CDH9: variants seen among roughly 807,000 people sequenced by gnomAD.
CDH9 encodes cadherin-9.
CDH9 carries 28 observed loss-of-function variants against 70.9 expected under a neutral mutation model. The ratio of observed to expected loss-of-function variants is 0.40; its 90% CI spans 0.29 to 0.54. The LOEUF (loss-of-function observed/expected upper bound fraction) is 0.54, where lower values mean the gene tolerates loss of function less well. Ranked by LOEUF, CDH9 falls within the 20% of genes least tolerant of loss-of-function variation. CDH9 has a pLI of 0.59. For missense variants in CDH9, 874 were observed against 984.4 expected (o/e 0.89, Z 1.50); for synonymous variants, 409 against 343.1 (o/e 1.19, Z -2.12).
At chr5:26,998,559 A>G (rs1234639376) in intron 1 of CDH9, among the ~76,000 whole-genome samples, 1 of 151,994 alleles carries the variant, frequency 6.6e-6, no homozygotes, top group Non-Finnish European at 1.5e-5. Context: ...GAAGGGGAAC[A>G]TCACACACCG....
At position 26,901,773 on chromosome 5, in the gene CDH9, C is replaced by A. The variant is rs71611751; in HGVS notation, c.1253+703G>T. 6.4e-3 allele frequency among the ~76,000 whole-genome samples: 970 copies of A among 151,798 alleles called. 2 individuals are homozygous for A. Among genetic ancestry groups the A allele is most frequent in the Non-Finnish European group, 0.011 (715 of 67,802 alleles). ...TCCCCTTTGAACAATATATGAGATT[C>A]ATTTATATTTCTGACATATTTAAAA... On this transcript the variant is annotated intron_variant, in intron 7 of 11. Transcript: ENST00000231021.
chr5:27,035,272 G>T (rs1743372841), intron 1 of CDH9, among the ~76,000 whole-genome samples: 1 of 150,814 alleles, frequency 6.6e-6, no homozygotes, highest in South Asian at 2.1e-4. Flanking sequence ...GATGGAGAGA[G>T]TTAAAACTCC....
chr5:26,912,086 A>G (rs1561192738), intron 3 of CDH9, among the ~76,000 whole-genome samples: 1 of 152,170 alleles, frequency 6.6e-6, no homozygotes, highest in African/African-American at 2.4e-5. Flanking sequence ...CTTATTCCAT[A>G]AGACTCTATT....
At chr5:26,908,155 G>C (rs950788309) in intron 3 of CDH9, among the ~76,000 whole-genome samples, 2 of 152,132 alleles carry the variant, frequency 1.3e-5, no homozygotes, top group African/African-American at 4.8e-5. Context: ...TCTCAACTGT[G>C]ATGGAATTGA....
intron 2 of CDH9, among the ~76,000 whole-genome samples, chr5:26,950,571 A>T (rs112034749): frequency 7.5e-4 from 114 of 152,328 alleles, no homozygotes; most frequent in African/African-American, 2.6e-3. Flanking sequence ...TATCTTTTAC[A>T]ATCACATCAG....
chr5:26,896,637 T>G (rs574032487), intron 7 of CDH9, among the ~76,000 whole-genome samples: 1 of 151,622 alleles, frequency 6.6e-6, no homozygotes, highest in Non-Finnish European at 1.5e-5. Flanking sequence ...CAAAGACACA[T>G]ATAACAGAAT....
intron 9 of CDH9, among the ~76,000 whole-genome samples, chr5:26,886,391 T>A (rs188896212): frequency 3.3e-4 from 50 of 152,196 alleles, no homozygotes; most frequent in African/African-American, 1.2e-3. Context: ...TATCCTCTTT[T>A]GATATTGTTG....
In CDH9 at chr5:26,932,420, A is replaced by G. The variant is rs199999205; in HGVS notation, c.229-16496T>C. Among the ~76,000 whole-genome samples the G allele has an allele frequency of 4.0e-5, 6 of 151,860 alleles. No homozygotes were observed. The East Asian group carries it at 1.2e-3, about 29-fold the overall frequency. ...CATTAACAATAAAAGAAAAAAAAAC[A>G]AAATATTTGTAATGTCATCAAAATT... is the stretch of plus-strand genomic sequence containing the variant. On this transcript the variant is annotated intron_variant, in intron 2 of 11. Transcript: ENST00000231021.
chr5:26,944,971 A>T (rs1579467419), intron 2 of CDH9, among the ~76,000 whole-genome samples: 1 of 151,926 alleles, frequency 6.6e-6, no homozygotes, highest in South Asian at 2.1e-4. Flanking sequence ...TCTGAGTGAA[A>T]CTATCATCCA....
intron 2 of CDH9, among the ~76,000 whole-genome samples, chr5:26,943,229 G>A (rs983269698): frequency 6.6e-6 from 1 of 152,066 alleles, no homozygotes; most frequent in African/African-American, 2.4e-5. Flanking sequence ...GCTAACTCAG[G>A]GGTGGGGCGC....
At chr5:26,913,826 A>C (rs1350678190) in intron 3 of CDH9, among the ~76,000 whole-genome samples, 1 of 151,750 alleles carries the variant, frequency 6.6e-6, no homozygotes, top group Non-Finnish European at 1.5e-5. Context: ...TACTCAACAA[A>C]TATTAATAGA....
At chr5:26,943,471 C>T (rs2112038128) in intron 2 of CDH9, among the ~76,000 whole-genome samples, 1 of 150,230 alleles carries the variant, frequency 6.7e-6, no homozygotes, top group East Asian at 2.0e-4. Flanking sequence ...TGAGATCACG[C>T]CACTGCACTC....
Position 26,905,523 on chromosome 5 carries a change from G to A in CDH9, c.811+436C>T, listed in dbSNP as rs190706224. 7.2e-5 allele frequency among the ~76,000 whole-genome samples: 11 copies of A among 152,204 alleles called. 1 individual carries two copies. Among genetic ancestry groups the A allele is most frequent in the South Asian group, 2.1e-4 (1 of 4,826 alleles). Reference sequence around the variant, plus strand: ...GTTAGATAAGAGATTATAAGTCTGCGTGTAAAACAAGGTAGCTGAGGTAAG... The same window carrying A: ...GTTAGATAAGAGATTATAAGTCTGCATGTAAAACAAGGTAGCTGAGGTAAG... On this transcript the variant is annotated intron_variant, in intron 5 of 11. Transcript: ENST00000231021.
intron 2 of CDH9, among the ~76,000 whole-genome samples, chr5:26,923,086 A>AAC (rs1561196270): frequency 1.6e-5 from 2 of 128,990 alleles, no homozygotes; most frequent in Non-Finnish European, 3.3e-5. Context: ...AAAAAAAAAA[A>AAC]CACAAAAAAA....
intron 2 of CDH9, among the ~76,000 whole-genome samples, chr5:26,938,567 G>T (rs1265088300): frequency 6.6e-6 from 1 of 151,898 alleles, no homozygotes; most frequent in African/African-American, 2.4e-5. Context: ...AAACTCTCTG[G>T]CAATTTTGAA....
chr5:27,029,983 C>G (rs1035640733), intron 1 of CDH9, among the ~76,000 whole-genome samples: 3 of 151,998 alleles, frequency 2.0e-5, no homozygotes, highest in Admixed American at 2.0e-4. Context: ...CATTTTGCCA[C>G]TTTGTCTCTC....
intron 2 of CDH9, among the ~76,000 whole-genome samples, chr5:26,926,917 G>GCCC (rs55917148): frequency 0.07 from 8,739 of 124,356 alleles, 446 homozygotes; most frequent in Middle Eastern, 0.17. Flanking sequence ...CAAAAATACA[G>GCCC]CCCCCCCCCG....
At chr5:26,968,863 GATACTAAAC>G (rs1325519177) in intron 2 of CDH9, among the ~76,000 whole-genome samples, 1 of 152,112 alleles carries the variant, frequency 6.6e-6, no homozygotes, top group Non-Finnish European at 1.5e-5. Context: ...AAATAATTAA[GATACTAAAC>G]ATGTATATAA....
chr5:26,938,459 C>A (rs750439352), intron 2 of CDH9, among the ~76,000 whole-genome samples: 2 of 151,624 alleles, frequency 1.3e-5, no homozygotes, highest in South Asian at 2.1e-4. Context: ...GGATAGGATA[C>A]TATATATATA....
Sources: gnomAD v4.1 joint callset for allele counts (sites outside exome capture counted in the v4.1 genomes callset) on GRCh38, gnomAD v4.1.1 for gene constraint, MANE v1.5 for transcripts, NCBI Gene and HGNC (gene_info 2026-07-23, HGNC 2026-07-21) for gene names.